HPSE2: variants seen among roughly 807,000 people sequenced by gnomAD.
HPSE2 encodes the protein inactive heparanase-2.
A neutral mutation model predicts 60.5 loss-of-function variants in HPSE2; 38 were observed. The ratio of observed to expected loss-of-function variants is 0.63; its 90% CI spans 0.48 to 0.82. The LOEUF (loss-of-function observed/expected upper bound fraction) is 0.82, where lower values mean the gene tolerates loss of function less well. Among genes scored for constraint, HPSE2 ranks in the 40% least tolerant of loss-of-function variants. The pLI is 0.00. For synonymous variants in HPSE2, 295 were observed against 293.2 expected (o/e 1.01, Z -0.06); for missense variants, 713 against 740.4 (o/e 0.96, Z 0.43).
chr10:98,576,516 C>G (rs1407659939), intron 9 of HPSE2, among the ~76,000 whole-genome samples: 1 of 152,042 alleles, frequency 6.6e-6, no homozygotes, highest in Non-Finnish European at 1.5e-5. Context: ...CATGTTACAG[C>G]CAGCAAAAGA....
chr10:98,797,694 A>G (rs1950808764), intron 3 of HPSE2, among the ~76,000 whole-genome samples: 1 of 151,900 alleles, frequency 6.6e-6, no homozygotes, highest in Non-Finnish European at 1.5e-5. Flanking sequence ...AATACAAAAA[A>G]TTAGCCGAGC....
At chr10:98,613,797 A>C (rs1945825235) in intron 9 of HPSE2, among the ~76,000 whole-genome samples, 1 of 152,246 alleles carries the variant, frequency 6.6e-6, no homozygotes, top group African/African-American at 2.4e-5. Flanking sequence ...GAATTGGATC[A>C]TCTCAAGGAG....
chr10:99,151,251 A>C (rs1399030024), intron 2 of HPSE2, among the ~76,000 whole-genome samples: 1 of 152,120 alleles, frequency 6.6e-6, no homozygotes, highest in African/African-American at 2.4e-5. Context: ...TGCAAAAAAA[A>C]AAAATCAGAG....
intron 3 of HPSE2, among the ~76,000 whole-genome samples, chr10:98,895,321 C>G (rs367828809): frequency 7.9e-5 from 12 of 152,274 alleles, no homozygotes; most frequent in African/African-American, 2.6e-4. Flanking sequence ...TAGGCCCAAT[C>G]TTTTAAATTC....
At chr10:98,788,671 G>A (rs1287115391) in intron 3 of HPSE2, among the ~76,000 whole-genome samples, 1 of 152,160 alleles carries the variant, frequency 6.6e-6, no homozygotes, top group South Asian at 2.1e-4. Context: ...AAGCCGGTCT[G>A]AAAAGCGCAA....
At chr10:98,544,327 A>C (rs1943577565) in intron 9 of HPSE2, among the ~76,000 whole-genome samples, 1 of 152,244 alleles carries the variant, frequency 6.6e-6, no homozygotes, top group Non-Finnish European at 1.5e-5. Context: ...ACACATTCAA[A>C]GCAGTGTAAA....
chr10:98,843,661 T>C (rs2134701531), intron 3 of HPSE2, among the ~76,000 whole-genome samples: 1 of 152,342 alleles, frequency 6.6e-6, no homozygotes, highest in East Asian at 1.9e-4. Context: ...CTGTTGAAAG[T>C]AGACATAACA....
At chr10:99,000,500 G>T (rs1477331372) in intron 3 of HPSE2, among the ~76,000 whole-genome samples, 2 of 151,950 alleles carry the variant, frequency 1.3e-5, no homozygotes, top group African/African-American at 4.8e-5. Context: ...CTAAGAACAG[G>T]GTGCAAGAAC....
Position 98,482,507 on chromosome 10 carries a change from A to T in HPSE2, c.1613+129T>A, listed in dbSNP as rs1167885652. 9 of 1,128,828 alleles carry T rather than the reference A, an allele frequency of 8.0e-6. No homozygotes were observed. The Admixed American group carries it at 1.0e-4, about 13-fold the overall frequency. 69.9% of individuals were successfully genotyped at this position (1,128,828 alleles called of 1,614,324 possible). On this transcript the variant is annotated intron_variant, in intron 11 of 11. Transcript: ENST00000370552. ...GGAGTCAGCAGTCACCTGACCCCAGACCGCTCTTTGTCCTACTCCATCCCA... is the reference window on the plus strand; with the variant it reads ...GGAGTCAGCAGTCACCTGACCCCAGTCCGCTCTTTGTCCTACTCCATCCCA...
intron 9 of HPSE2, among the ~76,000 whole-genome samples, chr10:98,566,180 T>C (rs1160699484): frequency 1.3e-5 from 2 of 152,250 alleles, no homozygotes; most frequent in Non-Finnish European, 2.9e-5. Flanking sequence ...GTGAAGGTTA[T>C]CATTCTTCTT....
chr10:98,789,380 G>GT (rs1411259081), intron 3 of HPSE2, among the ~76,000 whole-genome samples: 3 of 152,158 alleles, frequency 2.0e-5, no homozygotes, highest in Non-Finnish European at 4.4e-5. Context: ...TGCAGGATGG[G>GT]TTTTTCAAGA....
At chr10:99,235,191 A>G (rs556987684) in intron 1 of HPSE2, among the ~76,000 whole-genome samples, 2 of 151,468 alleles carry the variant, frequency 1.3e-5, no homozygotes, top group Admixed American at 1.3e-4. Context: ...ACTGCTCTGA[A>G]CCTCTTGTTT....
Position 98,540,491 on chromosome 10 carries a change from C to T in HPSE2, c.1321-50295G>A, listed in dbSNP as rs114215986. On this transcript the variant is annotated intron_variant, in intron 9 of 11. Transcript: ENST00000370552. ...TAGGTCATTTGACCATTCTCTAAAG[C>T]CATTTACAAGTATGTCTTAAACACA... Among the ~76,000 whole-genome samples the T allele has an allele frequency of 2.0e-3, 303 of 152,238 alleles. 2 individuals carry two copies. Among genetic ancestry groups the T allele is most frequent in the African/African-American group, 7.0e-3 (291 of 41,528 alleles).
chr10:98,562,575 C>T (rs930911066), intron 9 of HPSE2, among the ~76,000 whole-genome samples: 2 of 151,888 alleles, frequency 1.3e-5, no homozygotes, highest in Admixed American at 6.6e-5. Flanking sequence ...ATTAGCCGGG[C>T]GTGGTGGTGG....
At chr10:98,561,702 G>A (rs917005315) in intron 9 of HPSE2, among the ~76,000 whole-genome samples, 4 of 152,114 alleles carry the variant, frequency 2.6e-5, no homozygotes, top group African/African-American at 9.7e-5. Context: ...AAAAAAATTA[G>A]CTGGGTGTGG....
intron 11 of HPSE2, among the ~76,000 whole-genome samples, chr10:98,470,782 C>A (rs1940747160): frequency 6.6e-6 from 1 of 152,220 alleles, no homozygotes. Flanking sequence ...AACGAGGGTC[C>A]CTAAGTGAGT....
intron 2 of HPSE2, among the ~76,000 whole-genome samples, chr10:99,188,748 A>G (rs796610539): frequency 2.3e-4 from 35 of 152,328 alleles, no homozygotes; most frequent in African/African-American, 8.4e-4. Context: ...ACAGAAAAAG[A>G]GCTTTTGGAC....
At chr10:98,919,952 A>G (rs1205436686) in intron 3 of HPSE2, among the ~76,000 whole-genome samples, 1 of 152,196 alleles carries the variant, frequency 6.6e-6, no homozygotes, top group Non-Finnish European at 1.5e-5. Context: ...GCAAGACAAT[A>G]TGTAACGGTG....
At chr10:99,094,535 TATA>T (rs1564801200) in intron 3 of HPSE2, among the ~76,000 whole-genome samples, 12 of 23,342 alleles carry the variant, frequency 5.1e-4, no homozygotes, top group African/African-American at 6.9e-4. Context: ...TATATATATA[TATA>T]TATTTTTTTT....
Sources: gnomAD v4.1 joint callset for allele counts (sites outside exome capture counted in the v4.1 genomes callset) on GRCh38, gnomAD v4.1.1 for gene constraint, MANE v1.5 for transcripts, NCBI Gene and HGNC (gene_info 2026-07-23, HGNC 2026-07-21) for gene names.